Variants in XKR4 observed in about 807,000 individuals in gnomAD.
XKR4 encodes XK related 4.
Under a neutral mutation model 53.9 loss-of-function variants are expected in XKR4, and 12 were observed. That is an observed-to-expected ratio of 0.22 (90% CI 0.14 to 0.36). The LOEUF (loss-of-function observed/expected upper bound fraction) is 0.36. XKR4 is among the 10% of genes least tolerant of loss of function. The pLI is 1.00. For missense variants in XKR4, 799 were observed against 859.5 expected, an observed-to-expected ratio of 0.93 and a Z score of 0.88; for synonymous variants, 354 against 362.4, an observed-to-expected ratio of 0.98 and a Z score of 0.26.
At chr8:55,496,965 C>T (rs1806361206) in intron 2 of XKR4, among the ~76,000 whole-genome samples, 1 of 152,172 alleles carries the variant, frequency 6.6e-6, no homozygotes, top group African/African-American at 2.4e-5. Context: ...GTGATCTCCA[C>T]CAGAAAAATG....
intron 1 of XKR4, among the ~76,000 whole-genome samples, chr8:55,291,943 T>A (rs143019614): frequency 4.3e-4 from 65 of 152,282 alleles, no homozygotes; most frequent in African/African-American, 1.5e-3. Context: ...TTTGATATGA[T>A]CATGTGATTC....
At chr8:55,279,373 T>C (rs143505067) in intron 1 of XKR4, among the ~76,000 whole-genome samples, 1 of 152,166 alleles carries the variant, frequency 6.6e-6, no homozygotes, top group South Asian at 2.1e-4. Flanking sequence ...AATTCCCAAA[T>C]GATGCTGAGG....
intron 2 of XKR4, among the ~76,000 whole-genome samples, chr8:55,512,051 C>A (rs923582016): frequency 1.3e-5 from 2 of 152,158 alleles, no homozygotes; most frequent in South Asian, 2.1e-4. Flanking sequence ...CTAACAGACA[C>A]ATGGTGTCAC....
intron 1 of XKR4, among the ~76,000 whole-genome samples, chr8:55,154,694 A>G (rs952509145): frequency 8.5e-5 from 13 of 152,196 alleles, no homozygotes; most frequent in African/African-American, 3.1e-4. Flanking sequence ...CCAGAGACCT[A>G]TTTATCACAA....
chr8:55,386,230 C>T (rs1409016040), intron 2 of XKR4, among the ~76,000 whole-genome samples: 1 of 152,180 alleles, frequency 6.6e-6, no homozygotes, highest in Non-Finnish European at 1.5e-5. Flanking sequence ...GAGAGTCTTG[C>T]ATCACCACCT....
At chr8:55,445,053 G>A (rs1197899557) in intron 2 of XKR4, among the ~76,000 whole-genome samples, 1 of 151,894 alleles carries the variant, frequency 6.6e-6, no homozygotes, top group African/African-American at 2.4e-5. Context: ...TTGTTTTTTT[G>A]TTTTTGTTTT....
intron 1 of XKR4, among the ~76,000 whole-genome samples, chr8:55,153,940 A>C (rs1383446): frequency 0.36 from 54,516 of 151,806 alleles, 11,040 homozygotes; most frequent in African/African-American, 0.56. Flanking sequence ...TTAGAGTATA[A>C]TTTTGATGCG....
chr8:55,265,981 C>CA (rs1408125019), intron 1 of XKR4, among the ~76,000 whole-genome samples: 1 of 150,520 alleles, frequency 6.6e-6, no homozygotes, highest in Non-Finnish European at 1.5e-5. Context: ...AACTCCATCT[C>CA]AAAAAATAAA....
At chr8:55,488,205 C>A (rs922840774) in intron 2 of XKR4, among the ~76,000 whole-genome samples, 1 of 152,170 alleles carries the variant, frequency 6.6e-6, no homozygotes, top group Admixed American at 6.5e-5. Context: ...AAAATACTGA[C>A]ACCACCAAAT....
At chr8:55,292,126 G>A (rs557864431) in intron 1 of XKR4, among the ~76,000 whole-genome samples, 3 of 152,110 alleles carry the variant, frequency 2.0e-5, no homozygotes, top group Admixed American at 6.6e-5. Flanking sequence ...AGGGATGTTG[G>A]CCTATAGTTT....
intron 1 of XKR4, among the ~76,000 whole-genome samples, chr8:55,108,108 G>A (rs1816174316): frequency 6.6e-6 from 1 of 152,172 alleles, no homozygotes; most frequent in Non-Finnish European, 1.5e-5. Context: ...GGGGATATCT[G>A]AGCAAAGGTT....
chr8:55,119,321 A>G lies in XKR4; in HGVS notation c.806+16027A>G, dbSNP rs142592893. ...CTCAGACTGGGAAGTCCCTCCCAGA[A>G]GAGACTCTTAGACTGGGAAGTCCCT... On this transcript the variant is annotated intron_variant, in intron 1 of 2. Coordinates refer to ENST00000327381, the MANE Select transcript of XKR4 (RefSeq NM_052898.2). 6.4e-3 allele frequency among the ~76,000 whole-genome samples: 980 copies of G among 152,298 alleles called. 11 individuals carry two copies. The highest frequency in any genetic ancestry group is 0.025 in the South Asian group (122 of 4,820).
chr8:55,318,845 T>G (rs1299380298), intron 1 of XKR4, among the ~76,000 whole-genome samples: 1 of 152,168 alleles, frequency 6.6e-6, no homozygotes, highest in Middle Eastern at 3.2e-3. Flanking sequence ...TGTTATAAGT[T>G]TCTCTATTAT....
At chr8:55,129,221 G>T (rs1241017083) in intron 1 of XKR4, among the ~76,000 whole-genome samples, 1 of 152,158 alleles carries the variant, frequency 6.6e-6, no homozygotes, top group Non-Finnish European at 1.5e-5. Context: ...TGGTTACAAG[G>T]CTGGTTACCC....
chr8:55,449,500 T>A, intron 2 of XKR4: 1 of 1,306,864 alleles, frequency 7.7e-7, no homozygotes, highest in Admixed American at 1.9e-5. Context: ...CCAGGCAAGG[T>A]CGGGAGGCTC....
chr8:55,494,342 G>A (rs111326402), intron 2 of XKR4, among the ~76,000 whole-genome samples: 8,318 of 152,318 alleles, frequency 0.055, 625 homozygotes, highest in East Asian at 0.28. Context: ...GGAGTTCCCA[G>A]GTTTGGGCTC....
intron 1 of XKR4, among the ~76,000 whole-genome samples, chr8:55,172,074 C>T (rs768737383): frequency 3.3e-5 from 5 of 152,000 alleles, no homozygotes; most frequent in South Asian, 2.1e-4. Context: ...ATTAGCTGGG[C>T]GTGGTGCCGC....
chr8:55,350,263 A>G (rs1298258978), intron 1 of XKR4, among the ~76,000 whole-genome samples: 1 of 152,210 alleles, frequency 6.6e-6, no homozygotes, highest in East Asian at 1.9e-4. Context: ...AAAGAGCAAG[A>G]GCATGTGCAG....
chr8:55,494,426 T>C (rs914289544), intron 2 of XKR4, among the ~76,000 whole-genome samples: 3 of 152,210 alleles, frequency 2.0e-5, no homozygotes, highest in African/African-American at 7.2e-5. Flanking sequence ...TTCAGCCCTG[T>C]TTGTGTTACA....
Sources: allele counts gnomAD v4.1 joint callset (sites outside exome capture counted in the v4.1 genomes callset), GRCh38; gene constraint gnomAD v4.1.1; transcripts MANE v1.5; gene names NCBI Gene and HGNC (gene_info 2026-07-23, HGNC 2026-07-21).